HMCN2: variants seen among roughly 807,000 people sequenced by gnomAD.
HMCN2 encodes hemicentin 2, also known as hemicentin-2.
HMCN2 carries 325 observed loss-of-function variants against 377.5 expected under a neutral mutation model. The observed-to-expected ratio is 0.86, with a 90% CI of 0.79 to 0.94. The LOEUF (loss-of-function observed/expected upper bound fraction) is 0.94. Among genes scored for constraint, HMCN2 ranks in the 40% least tolerant of loss-of-function variants. HMCN2 has a pLI of 0.00. For missense variants in HMCN2, 4,543 were observed against 4,725.3 expected, an observed-to-expected ratio of 0.96 and a Z score of 1.13; for synonymous variants, 2,007 against 2,046.8, an observed-to-expected ratio of 0.98 and a Z score of 0.53.
At chr9:130,427,195 G>A (rs79943813) in intron 90 of HMCN2, 118 bp from the exon 91 acceptor site, 17,598 of 1,082,360 alleles carry the variant, frequency 0.016, 252 homozygotes, top group African/African-American at 0.065. Flanking sequence ...CTCTGGCACC[G>A]TCTTGGCTCT....
chr9:130,416,357 G>A (rs140043005), intron 85 of HMCN2, among the ~76,000 whole-genome samples: 4,416 of 152,066 alleles, frequency 0.029, 73 homozygotes, highest in African/African-American at 0.044. Context: ...CACCCGCCTC[G>A]GCCTCCCAAA....
In HMCN2 at chr9:130,391,992, G is replaced by A. The variant is rs1020262953; in HGVS notation, c.10010G>A (p.Gly3337Glu). The A allele has an allele frequency of 5.1e-6, 5 of 988,304 alleles. No individual in the cohort carries two copies. The highest frequency in any genetic ancestry group is 1.1e-4 in the East Asian group (1 of 8,806). 61.2% of individuals were successfully genotyped at this position (988,304 alleles called of 1,614,324 possible). ...TCGGGGACCCTGGTGAGCAGGCCTG[G>A]GGAGCTGGTGACCATGGTGTGCCCT... ...DGSGTLVSRP[G>E]ELVTMVCPVR... The change falls in exon 66 of 98, where the codon GGG (glycine) becomes GAG (glutamate). Residue 3337 changes from glycine (G) to glutamate (E), a missense_variant. This residue lies in a region of HMCN2 where 1,073 missense variants were observed against 1,319.5 expected (regional missense o/e 0.81). Coordinates refer to ENST00000683500, the MANE Select transcript of HMCN2 (RefSeq NM_001291815.2).
At chr9:130,367,270 A>T (rs1393337706) in intron 43 of HMCN2, among the ~76,000 whole-genome samples, 3 of 152,102 alleles carry the variant, frequency 2.0e-5, no homozygotes, top group Non-Finnish European at 2.9e-5. Flanking sequence ...TGTCAAGTGG[A>T]TGGTGAGAGA....
intron 54 of HMCN2, among the ~76,000 whole-genome samples, chr9:130,380,465 G>A (rs1841650157): frequency 6.6e-6 from 1 of 152,064 alleles, no homozygotes; most frequent in Admixed American, 6.6e-5. Flanking sequence ...AGCAGAATCA[G>A]ACCAGGATTT....
chr9:130,315,294 TC>T (rs1837507160), intron 15 of HMCN2, among the ~76,000 whole-genome samples: 1 of 2,072 alleles, frequency 4.8e-4, no homozygotes. Context: ...CTCCCTCCCC[TC>T]CCCCTCCCCT....
At position 130,380,252 on chromosome 9, in the gene HMCN2, C is replaced by T. The variant is rs141092675; in HGVS notation, c.8431+785C>T. ...AGGTAATTTAATTTTTTTAAGTAAA[C>T]CTTTTATTTTAGAATAATTTTTTGT... On this transcript the variant is annotated intron_variant, in intron 54 of 97. Transcript: ENST00000683500. Among the ~76,000 whole-genome samples, 508 of 152,272 alleles carry T rather than the reference C, an allele frequency of 3.3e-3. 3 individuals are homozygous for T. The highest frequency in any genetic ancestry group is 0.012 in the African/African-American group (488 of 41,548).
intron 25 of HMCN2, among the ~76,000 whole-genome samples, chr9:130,345,872 G>C (rs1839366436): frequency 6.6e-6 from 1 of 151,862 alleles, no homozygotes. Flanking sequence ...GTCAGGGTAG[G>C]GCGGAGGGGG....
intron 15 of HMCN2, among the ~76,000 whole-genome samples, chr9:130,313,437 G>T (rs1284171236): frequency 6.6e-6 from 1 of 152,362 alleles, no homozygotes; most frequent in African/African-American, 2.4e-5. Context: ...TCCATGCCCA[G>T]GTCCGCTGGT....
intron 21 of HMCN2, 64 bp from the exon 22 acceptor site, chr9:130,327,246 C>G (rs1838189393): frequency 6.6e-6 from 1 of 152,372 alleles, no homozygotes; most frequent in African/African-American, 2.4e-5. Context: ...CCCCATGGCC[C>G]AGGGCGCTCA....
intron 32 of HMCN2, among the ~76,000 whole-genome samples, 162 bp from the exon 33 acceptor site, chr9:130,355,584 C>A (rs1392044903): frequency 7.2e-5 from 11 of 152,218 alleles, no homozygotes; most frequent in African/African-American, 2.7e-4. Flanking sequence ...CCCTTACCCG[C>A]CTTGGGTGGC....
intron 85 of HMCN2, among the ~76,000 whole-genome samples, chr9:130,411,554 C>T (rs911172759): frequency 7.2e-6 from 1 of 138,424 alleles, no homozygotes; most frequent in Non-Finnish European, 1.5e-5. Flanking sequence ...GAGCCAAGAT[C>T]GTGCCATCGC....
Position 130,360,583 on chromosome 9 carries a change from C to T in HMCN2, c.5929C>T (p.Arg1977Trp), listed in dbSNP as rs577965469. Reference protein sequence around the residue: ...ASNVAGSTELRYGLRVNVPPR... With the variant: ...ASNVAGSTELWYGLRVNVPPR... ...CAATGTGGCAGGTAGCACAGAGCTG[C>T]GGTATGGCCTACGGGTCAATGGTGA... The change falls in exon 38 of 98, where the codon CGG becomes TGG. Residue 1977 changes from arginine (R) to tryptophan (W), a missense_variant. Coordinates refer to ENST00000683500, the MANE Select transcript of HMCN2 (RefSeq NM_001291815.2). The surrounding 1 kb of genome is among the most constrained non-coding windows in gnomAD (Gnocchi z 4.7). 289 of 1,302,614 alleles carry T rather than the reference C, an allele frequency of 2.2e-4. No homozygotes were observed. Among genetic ancestry groups the T allele is most frequent in the Admixed American group, 5.8e-4 (25 of 43,356 alleles). The allele number at this position is 1,302,614 out of a possible 1,614,324, so 80.7% of individuals were successfully genotyped here. A position where few individuals can be genotyped will look rare whatever the true frequency, so the allele number is the denominator to read the frequency against.
intron 1 of HMCN2, among the ~76,000 whole-genome samples, chr9:130,282,420 A>G (rs1450347819): frequency 1.3e-5 from 2 of 152,206 alleles, no homozygotes; most frequent in African/African-American, 4.8e-5. Flanking sequence ...CCATAGCCCA[A>G]AAAGGATAAA....
intron 15 of HMCN2, among the ~76,000 whole-genome samples, chr9:130,312,539 C>CCTTTCTTTCTTTCTTTCTTT (rs1187968109): frequency 3.0e-4 from 2 of 6,632 alleles, no homozygotes; most frequent in Admixed American, 1.4e-3. Context: ...CTCCCTCCCT[C>CCTTTCTTTCTTTCTTTCTTT]CTTTCTTTCT....
intron 22 of HMCN2, among the ~76,000 whole-genome samples, chr9:130,331,156 T>TG (rs1838406126): frequency 7.2e-6 from 1 of 139,332 alleles, no homozygotes; most frequent in Non-Finnish European, 1.6e-5. Flanking sequence ...GACTCTGTCT[T>TG]AAAAAAAAAA....
At chr9:130,286,691 C>A (rs530123414) in intron 4 of HMCN2, among the ~76,000 whole-genome samples, 6 of 152,370 alleles carry the variant, frequency 3.9e-5, no homozygotes, top group East Asian at 1.9e-4. Context: ...GGGGCATCTT[C>A]TGAGTGTCTC....
intron 1 of HMCN2, among the ~76,000 whole-genome samples, chr9:130,277,268 C>T (rs1272367413): frequency 5.3e-5 from 8 of 152,208 alleles, no homozygotes; most frequent in South Asian, 2.1e-4. Flanking sequence ...GCCAAGGTCA[C>T]GGGTTTAATC....
intron 8 of HMCN2, among the ~76,000 whole-genome samples, chr9:130,301,180 TGGAGA>T (rs1554934290): frequency 7.2e-5 from 11 of 152,222 alleles, no homozygotes; most frequent in African/African-American, 2.7e-4. Flanking sequence ...GCAGGAGAGC[TGGAGA>T]CCTCTTCTTT....
intron 25 of HMCN2, among the ~76,000 whole-genome samples, chr9:130,344,650 ATGTT>A (rs1330406487): frequency 1.2e-4 from 17 of 138,990 alleles, no homozygotes; most frequent in South Asian, 1.2e-3. Flanking sequence ...TTTGGTGTAT[ATGTT>A]TGTGTGTGGT....
Sources: allele counts gnomAD v4.1 joint callset (sites outside exome capture counted in the v4.1 genomes callset), GRCh38; gene constraint gnomAD v4.1.1; regional missense constraint gnomAD v4.1.1; non-coding constraint Gnocchi (gnomAD v3.1); transcripts MANE v1.5; gene names NCBI Gene and HGNC (gene_info 2026-07-23, HGNC 2026-07-21).